The following OSBP variants were observed in gnomAD, a reference collection of about 807,000 sequenced individuals.
OSBP encodes the protein oxysterol binding protein, also known as oxysterol-binding protein 1.
A neutral mutation model predicts 96.6 loss-of-function variants in OSBP; 32 were observed. The observed-to-expected ratio is 0.33, with a 90% CI of 0.25 to 0.45. The LOEUF (loss-of-function observed/expected upper bound fraction) is 0.45. Among genes scored for constraint, OSBP ranks in the 20% least tolerant of loss-of-function variants. The pLI is 1.00. For synonymous variants in OSBP, 369 were observed against 389.6 expected, an observed-to-expected ratio of 0.95 and a Z score of 0.62; for missense variants, 653 against 1,029.7, an observed-to-expected ratio of 0.63 and a Z score of 5.01.
intron 9 of OSBP, among the ~76,000 whole-genome samples, chr11:59,586,251 C>G (rs1420993722): frequency 6.9e-6 from 1 of 145,884 alleles, no homozygotes; most frequent in South Asian, 2.2e-4. Flanking sequence ...AGTCAACACA[C>G]AAAAATTAGG....
chr11:59,585,471 C>T (rs1220067512), intron 9 of OSBP, among the ~76,000 whole-genome samples: 25 of 149,760 alleles, frequency 1.7e-4, no homozygotes, highest in South Asian at 8.6e-4. Context: ...GGAGCCCCTC[C>T]GCCCGGCAGC....
intron 9 of OSBP, among the ~76,000 whole-genome samples, chr11:59,587,035 A>G (rs1047067214): frequency 2.6e-5 from 4 of 152,250 alleles, no homozygotes; most frequent in African/African-American, 9.6e-5. Context: ...CCTCCTGAAC[A>G]TTAAAAAAAA....
At position 59,585,201 on chromosome 11, in the gene OSBP, T is replaced by G. The variant is rs554594853; in HGVS notation, c.1679-3647A>C. Among the ~76,000 whole-genome samples the G allele has an allele frequency of 1.5e-3, 214 of 143,402 alleles. 1 individual carries two copies. The highest frequency in any genetic ancestry group is 5.4e-3 in the African/African-American group (204 of 38,120). The allele number at this position is 143,402 out of a possible 152,430, so 94.1% of individuals were successfully genotyped here. A position where few individuals can be genotyped will look rare whatever the true frequency, so the allele number is the denominator to read the frequency against. On this transcript the variant is annotated intron_variant, in intron 9 of 13. Coordinates refer to ENST00000263847, the MANE Select transcript of OSBP (RefSeq NM_002556.3). ...CATCTAGGAAGTGAGGAGCGCCTCT[T>G]CCCGGCCGCCATCACATCTAGGAAG...
Position 59,576,590 on chromosome 11 carries a change from G to C in OSBP, c.2411C>G (p.Pro804Arg). Residue 804 changes from proline to arginine, a missense_variant, in exon 14 of 14, where the codon CCG becomes CGG. Transcript: ENST00000263847. ...CKEKQDWSSC[P>R]DIF The stretch of plus-strand genomic sequence containing the variant: ...GTTACTGCCGTTTCAGAAAATGTCC[G>C]GGCATGAGCTCCAGTCCTGTTTTTC... 2.5e-6 allele frequency: 4 copies of C among 1,612,974 alleles called. No homozygotes were observed. Among genetic ancestry groups the C allele is most frequent in the Non-Finnish European group, 3.4e-6 (4 of 1,179,754 alleles).
chr11:59,579,828 G>C (rs1860399919), intron 11 of OSBP, among the ~76,000 whole-genome samples: 1 of 151,286 alleles, frequency 6.6e-6, no homozygotes, highest in Non-Finnish European at 1.5e-5. Context: ...CGATTCTCCT[G>C]CCTCACCCGA....
intron 3 of OSBP, among the ~76,000 whole-genome samples, chr11:59,602,369 G>A (rs1860734482): frequency 6.6e-6 from 1 of 152,150 alleles, no homozygotes; most frequent in African/African-American, 2.4e-5. Flanking sequence ...AAAATTAGGA[G>A]CCTTCAGTGT....
At chr11:59,581,688 G>T in intron 9 of OSBP, 134 bp from the exon 10 acceptor site, 3 of 526,170 alleles carry the variant, frequency 5.7e-6, no homozygotes, top group Non-Finnish European at 7.0e-6. Flanking sequence ...AAATCAAAAA[G>T]GACTTACACT....
At chr11:59,592,954 C>T (rs1334430189) in intron 9 of OSBP, among the ~76,000 whole-genome samples, 1 of 152,106 alleles carries the variant, frequency 6.6e-6, no homozygotes, top group Admixed American at 6.5e-5. Flanking sequence ...CACCACCACA[C>T]CCAGCTAATT....
In OSBP at chr11:59,576,334, G is replaced by C. The variant is rs1395377112; in HGVS notation, c.*243C>G. On this transcript the variant is annotated 3_prime_UTR_variant, in exon 14 of 14. Coordinates refer to ENST00000263847, the MANE Select transcript of OSBP (RefSeq NM_002556.3). Reference sequence around the variant, plus strand: ...GGATGTGGAATAACACTAACCTTCGGCCACTAAACCTCTCCCTTACAGACA... The same window carrying C: ...GGATGTGGAATAACACTAACCTTCGCCCACTAAACCTCTCCCTTACAGACA... 6.4e-6 allele frequency: 3 copies of C among 466,708 alleles called. No homozygotes were observed. 28.9% of individuals were successfully genotyped at this position (466,708 alleles called of 1,614,324 possible).
At position 59,576,541 on chromosome 11, in the gene OSBP, C is replaced by T; in HGVS notation, c.*36G>A. The stretch of plus-strand genomic sequence containing the variant: ...TTTCCCACACATCCTCTGTCCTCTT[C>T]TCCATTATATGCTCCTCTTTTTTGT... On this transcript the variant is annotated 3_prime_UTR_variant, in exon 14 of 14. Coordinates refer to ENST00000263847, the MANE Select transcript of OSBP (RefSeq NM_002556.3). The T allele has an allele frequency of 6.2e-7, 1 of 1,600,196 alleles. No individual in the cohort carries two copies. The highest frequency in any genetic ancestry group is 1.1e-5 in the South Asian group (1 of 88,538).
At chr11:59,591,531 T>C (rs1860580038) in intron 9 of OSBP, among the ~76,000 whole-genome samples, 1 of 152,128 alleles carries the variant, frequency 6.6e-6, no homozygotes, top group Non-Finnish European at 1.5e-5. Context: ...TAATACATAA[T>C]ACAATATAAA....
Position 59,615,393 on chromosome 11 carries a change from C to T in OSBP, c.272G>A (p.Arg91Gln). The change falls in exon 1 of 14, where the codon CGA (arginine) becomes CAA (glutamine). Residue 91 changes from arginine (R) to glutamine (Q), a missense_variant. By Grantham distance (43) the Arg-to-Gln change is conservative (BLOSUM62 1). Transcript: ENST00000263847. ...GSGAGGSGSA[R>Q]EGWLFKWTNY... ...GGTCCATTTGAAGAGCCAGCCCTCT[C>T]GAGCCGAGCCCGAACCCCCAGCGCC... is the stretch of plus-strand genomic sequence containing the variant. 6.4e-7 allele frequency: 1 copy of T among 1,570,500 alleles called. No individual in the cohort carries two copies. The highest frequency in any genetic ancestry group is 8.6e-7 in the Non-Finnish European group (1 of 1,157,576).
rs1326866602 is a variant in OSBP at position 59,575,565 on chromosome 11, T to C, written c.*1012A>G. The C allele has an allele frequency of 6.6e-6, 1 of 152,592 alleles. No homozygotes were observed. The highest frequency in any genetic ancestry group is 1.5e-5 in the Non-Finnish European group (1 of 68,026). The allele number at this position is 152,592 out of a possible 1,614,324, so 9.5% of individuals were successfully genotyped here. A position where few individuals can be genotyped will look rare whatever the true frequency, so the allele number is the denominator to read the frequency against. The stretch of plus-strand genomic sequence containing the variant: ...GATATTTAACACATTATTCCAGAGG[T>C]GGCTCCAGTCCTTGGGGCTTGAGAG... On this transcript the variant is annotated 3_prime_UTR_variant, in exon 14 of 14. Coordinates refer to ENST00000263847, the MANE Select transcript of OSBP (RefSeq NM_002556.3).
rs1247962112 is a variant in OSBP at position 59,613,951 on chromosome 11, A to C, written c.362+1352T>G. ...TGTTCAGCCTAACTCTCTGGGTAGCAGAATGATTCCTGGTGAAGGAAAAGA... is the reference window on the plus strand; with the variant it reads ...TGTTCAGCCTAACTCTCTGGGTAGCCGAATGATTCCTGGTGAAGGAAAAGA... On this transcript the variant is annotated intron_variant, in intron 1 of 13. Transcript: ENST00000263847. Among the ~76,000 whole-genome samples the C allele has an allele frequency of 2.0e-5, 3 of 152,198 alleles. No homozygotes were observed. In the East Asian group the frequency reaches 5.8e-4, roughly 29 times the overall value.
intron 3 of OSBP, among the ~76,000 whole-genome samples, chr11:59,603,227 C>T (rs1351396870): frequency 1.3e-5 from 2 of 152,180 alleles, no homozygotes; most frequent in African/African-American, 4.8e-5. Context: ...ATATAGATCT[C>T]CAGCTCCTAA....
rs373812689 is a variant in OSBP, at chr11:59,578,360, T to C, written c.1879-30A>G. 4.4e-6 allele frequency: 7 copies of C among 1,602,784 alleles called. No homozygotes were observed. In the South Asian group the frequency reaches 6.7e-5, roughly 15 times the overall value. ...AAGGGTGGAGAACAGGGCTTGGCTATATAGAATTCACTGTGAATTAGCTTA... is the reference window on the plus strand; with the variant it reads ...AAGGGTGGAGAACAGGGCTTGGCTACATAGAATTCACTGTGAATTAGCTTA... On this transcript the variant is annotated intron_variant, in intron 11 of 13. Transcript: ENST00000263847.
rs767512280 is a variant in OSBP at position 59,594,148 on chromosome 11, G to A, written c.1419C>T (p.Leu473=). The A allele has an allele frequency of 6.2e-7, 1 of 1,614,122 alleles. No homozygotes were observed. The highest frequency in any genetic ancestry group is 8.5e-7 in the Non-Finnish European group (1 of 1,180,012). Reference sequence around the variant, plus strand: ...ACACGGTGAAAGCTGCAACATAACAGAGCTGTTCTAGAGAATTCTCACATT... The same window carrying A: ...ACACGGTGAAAGCTGCAACATAACAAAGCTGTTCTAGAGAATTCTCACATT... ...AAKCENSLEQ[L]CYVAAFTVSS... Residue 473 remains leucine (L), a synonymous_variant, in exon 8 of 14, where the codon CTC becomes CTT. Coordinates refer to ENST00000263847, the MANE Select transcript of OSBP (RefSeq NM_002556.3).
chr11:59,615,756 A>G lies in OSBP; in HGVS notation c.-92T>C, dbSNP rs1429530319. The G allele has an allele frequency of 9.0e-6, 11 of 1,216,776 alleles. No homozygotes were observed. The highest frequency in any genetic ancestry group is 1.1e-5 in the Non-Finnish European group (11 of 976,166). The allele number at this position is 1,216,776 out of a possible 1,614,324, so 75.4% of individuals were successfully genotyped here. A position where few individuals can be genotyped will look rare whatever the true frequency, so the allele number is the denominator to read the frequency against. On this transcript the variant is annotated 5_prime_UTR_variant, in exon 1 of 14. Transcript: ENST00000263847. Reference sequence around the variant, plus strand: ...GCCCCACACGGCTACCGCATCAGCCACCGCCGCGCAGCGTCCCCGCCCCGC... The same window carrying G: ...GCCCCACACGGCTACCGCATCAGCCGCCGCCGCGCAGCGTCCCCGCCCCGC...
rs1860919525 is a variant in OSBP at position 59,615,675 on chromosome 11, C to T, written c.-11G>A. 7.6e-7 allele frequency: 1 copy of T among 1,316,292 alleles called. No individual in the cohort carries two copies. Among genetic ancestry groups the T allele is most frequent in the East Asian group, 3.1e-5 (1 of 31,936 alleles). 81.5% of individuals were successfully genotyped at this position (1,316,292 alleles called of 1,614,324 possible). ...CTCCGTCGCCGCCATGAGCCGCCGC[C>T]GCCTGGAGATACAAGACCGGAACCG... is the stretch of plus-strand genomic sequence containing the variant. On this transcript the variant is annotated 5_prime_UTR_variant, in exon 1 of 14. Transcript: ENST00000263847.
Sources: allele counts gnomAD v4.1 joint callset (sites outside exome capture counted in the v4.1 genomes callset), GRCh38; gene constraint gnomAD v4.1.1; transcripts MANE v1.5; gene names NCBI Gene and HGNC (gene_info 2026-07-23, HGNC 2026-07-21).